Variants in PPIH observed in about 807,000 individuals in gnomAD.
PPIH encodes the protein peptidyl-prolyl cis-trans isomerase H.
PPIH carries 16 observed loss-of-function variants against 27.6 expected under a neutral mutation model. The observed-to-expected ratio is 0.58, with a 90% CI of 0.39 to 0.88. The LOEUF (loss-of-function observed/expected upper bound fraction) is 0.88, where lower values mean the gene tolerates loss of function less well. Ranked by LOEUF, PPIH falls within the 40% of genes least tolerant of loss-of-function variation. The probability of loss-of-function intolerance (pLI) is 0.00; values close to 1 mark genes in which losing one functional copy is unlikely to be tolerated. For synonymous variants in PPIH, 63 were observed against 76.1 expected, an observed-to-expected ratio of 0.83 and a Z score of 0.90; for missense variants, 155 against 224.1, an observed-to-expected ratio of 0.69 and a Z score of 1.97.
At chr1:42,667,498 T>A in intron 9 of PPIH, 58 bp downstream of exon 9, 1 of 1,416,940 alleles carries the variant, frequency 7.1e-7, no homozygotes, top group Non-Finnish European at 9.8e-7. Context: ...GGCAGCATGG[T>A]CTAGTGGAAA....
chr1:42,666,728 C>T lies in PPIH; in HGVS notation c.465+141C>T, dbSNP rs894910746. On this transcript the variant is annotated intron_variant, in intron 8 of 9. Transcript: ENST00000304979. ...GCCCCAGGAAAAGGGAAGAGAACCA[C>T]CTAAGTTAGCCTGTCTGGCCAACAC... The T allele has an allele frequency of 7.6e-6, 6 of 785,500 alleles. No individual in the cohort carries two copies. The Admixed American group carries it at 1.4e-4, about 18-fold the overall frequency. The allele number at this position is 785,500 out of a possible 1,614,324, so 48.7% of individuals were successfully genotyped here. A position where few individuals can be genotyped will look rare whatever the true frequency, so the allele number is the denominator to read the frequency against.
downstream of PPIH, among the ~76,000 whole-genome samples, chr1:42,677,343 C>T (rs2148731044): frequency 6.6e-6 from 1 of 152,158 alleles, no homozygotes; most frequent in East Asian, 1.9e-4. Context: ...GGGGCACGTA[C>T]CTGTAATCCC....
chr1:42,664,768 T>C lies in PPIH; in HGVS notation c.244-95T>C. ...GACCAACAAGAGTAAGAGTAGACTT[T>C]AAAGATGTCATGCTTTAGGTGCGAC... On this transcript the variant is annotated intron_variant, in intron 5 of 9. Coordinates refer to ENST00000304979, the MANE Select transcript of PPIH (RefSeq NM_006347.4). 7 of 949,288 alleles carry C rather than the reference T, an allele frequency of 7.4e-6. No individual in the cohort carries two copies. In the South Asian group the frequency reaches 1.1e-4, roughly 15 times the overall value. 58.8% of individuals were successfully genotyped at this position (949,288 alleles called of 1,614,324 possible). A position where few individuals can be genotyped will look rare whatever the true frequency, so the allele number is the denominator to read the frequency against.
At chr1:42,678,003 G>GTTT (rs1278254158), downstream of PPIH, among the ~76,000 whole-genome samples, 11 of 152,234 alleles carry the variant, frequency 7.2e-5, no homozygotes, top group Admixed American at 5.2e-4. Context: ...ATAGAACTTG[G>GTTT]TTAAAAGTGT....
intron 7 of PPIH, 141 bp downstream of exon 7, chr1:42,666,208 G>A (rs1649328452): frequency 1.3e-6 from 1 of 794,436 alleles, no homozygotes; most frequent in East Asian, 2.6e-5. Flanking sequence ...GAAATGGTGG[G>A]GAGGTGGGGA....
downstream of PPIH, among the ~76,000 whole-genome samples, chr1:42,680,858 ATAT>A (rs777969888): frequency 6.6e-6 from 1 of 152,234 alleles, no homozygotes; most frequent in African/African-American, 2.4e-5. Flanking sequence ...GGCCAAGCTT[ATAT>A]TATTAACTAT....
Position 42,666,028 on chromosome 1 carries a change from T to G in PPIH, c.385T>G (p.Ser129Ala). The G allele has an allele frequency of 6.2e-7, 1 of 1,614,220 alleles. No individual in the cohort carries two copies. Among genetic ancestry groups the G allele is most frequent in the East Asian group, 2.2e-5 (1 of 44,886 alleles). Reference sequence around the variant, plus strand: ...TGGCTGTCAGTTCTTTATCACCTGCTCTAAGTGCGATTGGCTGGATGGGAA... The same window carrying G: ...TGGCTGTCAGTTCTTTATCACCTGCGCTAAGTGCGATTGGCTGGATGGGAA... ...TNGCQFFITC[S>A]KCDWLDGKHV... The change falls in exon 7 of 10, where the codon TCT (serine) becomes GCT (alanine). Residue 129 changes from serine to alanine, a missense_variant. Around this residue, in one of 2 missense-constraint regions of PPIH, gnomAD observed 96 missense variants for 175.3 expected, o/e 0.55. Transcript: ENST00000304979.
intron 9 of PPIH, 117 bp from the exon 10 acceptor site, chr1:42,676,467 C>CAA (rs750333265): frequency 2.2e-5 from 3 of 139,190 alleles, no homozygotes; most frequent in Non-Finnish European, 3.1e-5. Context: ...GACTCTGTCT[C>CAA]AAAAAAAAAA....
chr1:42,670,662 C>G (rs1649580292), intron 9 of PPIH, among the ~76,000 whole-genome samples: 1 of 152,084 alleles, frequency 6.6e-6, no homozygotes, highest in South Asian at 2.1e-4. Flanking sequence ...CAGGACTGTC[C>G]ATAGGCTGTG....
downstream of PPIH, among the ~76,000 whole-genome samples, chr1:42,680,859 T>C (rs1169879325): frequency 6.6e-6 from 1 of 152,254 alleles, no homozygotes; most frequent in Non-Finnish European, 1.5e-5. Context: ...GCCAAGCTTA[T>C]ATTATTAACT....
intron 4 of PPIH, among the ~76,000 whole-genome samples, chr1:42,660,661 C>T (rs184096527): frequency 1.3e-5 from 2 of 152,294 alleles, no homozygotes; most frequent in Non-Finnish European, 2.9e-5. Context: ...AACTCCTGGC[C>T]TCATGTGATC....
chr1:42,673,414 C>G (rs567855061), intron 9 of PPIH, among the ~76,000 whole-genome samples: 8 of 152,320 alleles, frequency 5.3e-5, no homozygotes, highest in African/African-American at 1.9e-4. Flanking sequence ...TGGCACCTCT[C>G]TTTTGAAAGC....
At chr1:42,677,825 T>A (rs1163355806), downstream of PPIH, among the ~76,000 whole-genome samples, 1 of 152,178 alleles carries the variant, frequency 6.6e-6, no homozygotes, top group Non-Finnish European at 1.5e-5. Flanking sequence ...ACCCCATCTA[T>A]TTTGAAGAGG....
chr1:42,680,320 C>T (rs1649986022), downstream of PPIH, among the ~76,000 whole-genome samples: 1 of 152,194 alleles, frequency 6.6e-6, no homozygotes, highest in African/African-American at 2.4e-5. Context: ...CACCATCTCC[C>T]TTGTCATCTG....
chr1:42,660,904 T>C lies in PPIH; in HGVS notation c.243T>C (p.Asn81=), dbSNP rs1247776430. The part of the protein sequence containing the change: ...DFMIQGGDFV[N]GDGTGVASIY... ...TGATTCAGGGTGGAGATTTTGTTAA[T>C]GTAAGTACTATTCCTTTCCTATCAA... The change falls in exon 5 of 10, where the codon AAT becomes AAC. Residue 81 remains asparagine (N), a splice_region_variant and synonymous_variant. Coordinates refer to ENST00000304979, the MANE Select transcript of PPIH (RefSeq NM_006347.4). 2 of 1,609,544 alleles carry C rather than the reference T, an allele frequency of 1.2e-6. No homozygotes were observed. Among genetic ancestry groups the C allele is most frequent in the Admixed American group, 1.7e-5 (1 of 59,900 alleles).
intron 5 of PPIH, among the ~76,000 whole-genome samples, chr1:42,661,738 A>G (rs1649031979): frequency 6.6e-6 from 1 of 152,070 alleles, no homozygotes; most frequent in Non-Finnish European, 1.5e-5. Flanking sequence ...TTCCTTTCCT[A>G]TGCAATACAG....
chr1:42,663,100 T>G (rs1380344848), intron 5 of PPIH, among the ~76,000 whole-genome samples: 1 of 152,232 alleles, frequency 6.6e-6, no homozygotes, highest in African/African-American at 2.4e-5. Context: ...TTACGGAGAA[T>G]GGCACGGTAA....
chr1:42,665,916 A>G, intron 6 of PPIH, 64 bp from the exon 7 acceptor site: 1 of 1,360,202 alleles, frequency 7.4e-7, no homozygotes, highest in East Asian at 2.3e-5. Context: ...GCTCTTTTGG[A>G]AATCTTGCCC....
intron 6 of PPIH, 83 bp from the exon 7 acceptor site, chr1:42,665,895 CAG>C (rs1649305013): frequency 9.4e-7 from 1 of 1,067,860 alleles, no homozygotes; most frequent in African/African-American, 1.6e-5. Context: ...ATAGAGGAAT[CAG>C]TGTTACAAGC....
Sources: allele counts gnomAD v4.1 joint callset (sites outside exome capture counted in the v4.1 genomes callset), GRCh38; gene constraint gnomAD v4.1.1; regional missense constraint gnomAD v4.1.1; transcripts MANE v1.5; gene names NCBI Gene and HGNC (gene_info 2026-07-23, HGNC 2026-07-21).